SHOX2: variants seen among roughly 807,000 people sequenced by gnomAD.
SHOX2 encodes the protein short stature homeobox protein 2.
Under a neutral mutation model 31.3 loss-of-function variants are expected in SHOX2, and 13 were observed. The observed-to-expected ratio is 0.42, with a 90% CI of 0.27 to 0.66. The LOEUF (loss-of-function observed/expected upper bound fraction) is 0.66. Among genes scored for constraint, SHOX2 ranks in the 30% least tolerant of loss-of-function variants. The probability of loss-of-function intolerance (pLI) is 0.27; values close to 1 mark genes in which losing one functional copy is unlikely to be tolerated. For synonymous variants in SHOX2, 244 were observed against 196.2 expected (o/e 1.24, Z -2.04); for missense variants, 473 against 443.0 (o/e 1.07, Z -0.61).
In SHOX2 at chr3:158,105,970, TCTC is replaced by T. The variant is rs760680633; in HGVS notation, c.52_54del (p.Glu18del). 27 of 1,612,844 alleles carry T rather than the reference TCTC, an allele frequency of 1.7e-5. No individual in the cohort carries two copies. Among genetic ancestry groups the T allele is most frequent in the African/African-American group, 4.0e-5 (3 of 74,836 alleles). ...TCCCGGTACGTGATCGCCTCCTTCT[TCTC>T]CTTCACTTTCTGGTCAAAAGACTTG... On this transcript the variant is annotated inframe_deletion, in exon 1 of 5. Transcript: ENST00000483851.
At chr3:158,102,969 A>G in intron 1 of SHOX2, 83 bp from the exon 2 acceptor site, 1 of 1,236,418 alleles carries the variant, frequency 8.1e-7, no homozygotes. Flanking sequence ...CGAAAACAGC[A>G]CAGCAAATCC....
chr3:158,097,965 G>A lies in SHOX2; in HGVS notation c.*62C>T. The A allele has an allele frequency of 3.3e-6, 5 of 1,533,294 alleles. No homozygotes were observed. Among genetic ancestry groups the A allele is most frequent in the Non-Finnish European group, 4.4e-6 (5 of 1,140,660 alleles). 95.0% of individuals were successfully genotyped at this position (1,533,294 alleles called of 1,614,324 possible). A position where few individuals can be genotyped will look rare whatever the true frequency, so the allele number is the denominator to read the frequency against. ...AAAGGGGTAACGGAGAAGCAGCGGG[G>A]CGCGGAGGGCGTGCAGGCTGAGTGC... On this transcript the variant is annotated 3_prime_UTR_variant, in exon 5 of 5. Coordinates refer to ENST00000483851, the MANE Select transcript of SHOX2 (RefSeq NM_001163678.2).
At position 158,097,041 on chromosome 3, in the gene SHOX2, G is replaced by A. The variant is rs1333974353; in HGVS notation, c.*986C>T. 1.3e-5 allele frequency: 2 copies of A among 150,372 alleles called. No homozygotes were observed. Among genetic ancestry groups the A allele is most frequent in the African/African-American group, 2.5e-5 (1 of 40,636 alleles). 9.3% of individuals were successfully genotyped at this position (150,372 alleles called of 1,614,324 possible). On this transcript the variant is annotated 3_prime_UTR_variant, in exon 5 of 5. Coordinates refer to ENST00000483851, the MANE Select transcript of SHOX2 (RefSeq NM_001163678.2). ...ATGGAGTGAGTGCATGGGAGATAAG[G>A]GGGTGGGAGGAGACACACCATCAAT...
intron 2 of SHOX2, among the ~76,000 whole-genome samples, chr3:158,102,166 C>T (rs1559896647): frequency 6.6e-6 from 1 of 152,190 alleles, no homozygotes. Context: ...TAAATTTCTG[C>T]ACTTAACAGT....
rs1387049217 is a variant in SHOX2, at chr3:158,106,014, A to C, written c.11T>G (p.Leu4Arg). 3 of 1,612,746 alleles carry C rather than the reference A, an allele frequency of 1.9e-6. No homozygotes were observed. The highest frequency in any genetic ancestry group is 1.3e-5 in the African/African-American group (1 of 74,864). ...AAAAGACTTGGAGACGAACGCCGTA[A>C]GTTCTTCCATCGCCGCCGCACGTCA... MEE[L>R]TAFVSKSFDQ... The change falls in exon 1 of 5, where the codon CTT becomes CGT. Residue 4 changes from leucine to arginine, a missense_variant. By Grantham distance (102) the Leu-to-Arg change is moderately radical. Around this residue, in one of 3 missense-constraint regions of SHOX2, gnomAD observed 276 missense variants for 230.0 expected, o/e 1.20. Coordinates refer to ENST00000483851, the MANE Select transcript of SHOX2 (RefSeq NM_001163678.2).
intron 1 of SHOX2, chr3:158,103,469 A>C (rs1578078991): frequency 6.2e-6 from 1 of 160,308 alleles, no homozygotes; most frequent in Non-Finnish European, 1.4e-5. Context: ...AGAGCAACAG[A>C]CCCCGGTGTT....
intron 1 of SHOX2, chr3:158,105,100 G>A: frequency 6.6e-7 from 1 of 1,526,366 alleles, no homozygotes; most frequent in Non-Finnish European, 8.8e-7. Context: ...AGCGTAGCCT[G>A]GACCTCAGCT....
Position 158,098,033 on chromosome 3 carries a change from A to G in SHOX2, c.954T>C (p.Gly318=). The change falls in exon 5 of 5, where the codon GGT becomes GGC. Residue 318 remains glycine, a synonymous_variant. Transcript: ENST00000483851. ...ATTGGTGCTGGCGTTGGCGTCACAGACCCAGGGCTGCGGCGTGCTTTTTGG... is the reference window on the plus strand; with the variant it reads ...ATTGGTGCTGGCGTTGGCGTCACAGGCCCAGGGCTGCGGCGTGCTTTTTGG... The part of the protein sequence containing the change: ...LKAKKHAAAL[G]L The G allele has an allele frequency of 6.3e-7, 1 of 1,598,164 alleles. No homozygotes were observed. Among genetic ancestry groups the G allele is most frequent in the Non-Finnish European group, 8.5e-7 (1 of 1,170,902 alleles).
chr3:158,106,350 C>G lies in SHOX2; in HGVS notation c.-326G>C. The G allele has an allele frequency of 5.2e-6, 2 of 384,740 alleles. No individual in the cohort carries two copies. Among genetic ancestry groups the G allele is most frequent in the Non-Finnish European group, 9.4e-6 (2 of 212,206 alleles). 23.8% of individuals were successfully genotyped at this position (384,740 alleles called of 1,614,324 possible). A position where few individuals can be genotyped will look rare whatever the true frequency, so the allele number is the denominator to read the frequency against. Reference sequence around the variant, plus strand: ...GAGGGAAATGGGAACTGATGCTTCCCTGCCGGAGCGCGCTTGTTCAATGTT... The same window carrying G: ...GAGGGAAATGGGAACTGATGCTTCCGTGCCGGAGCGCGCTTGTTCAATGTT... On this transcript the variant is annotated 5_prime_UTR_variant, in exon 1 of 5. Coordinates refer to ENST00000483851, the MANE Select transcript of SHOX2 (RefSeq NM_001163678.2).
intron 2 of SHOX2, among the ~76,000 whole-genome samples, chr3:158,101,030 G>A (rs1247162900): frequency 6.6e-6 from 1 of 152,202 alleles, no homozygotes; most frequent in Non-Finnish European, 1.5e-5. Flanking sequence ...AAAGGAGAAT[G>A]AAGTATATAT....
At position 158,097,762 on chromosome 3, in the gene SHOX2, C is replaced by G; in HGVS notation, c.*265G>C. The stretch of plus-strand genomic sequence containing the variant: ...CAGTCTCTCTCCAGACTCCCCCAAA[C>G]CCGCTCCTACAAAACCCAATTCTAG... On this transcript the variant is annotated 3_prime_UTR_variant, in exon 5 of 5. Coordinates refer to ENST00000483851, the MANE Select transcript of SHOX2 (RefSeq NM_001163678.2). 1 of 521,016 alleles carries G rather than the reference C, an allele frequency of 1.9e-6. No individual in the cohort carries two copies. Among genetic ancestry groups the G allele is most frequent in the Non-Finnish European group, 3.4e-6 (1 of 293,028 alleles). The allele number at this position is 521,016 out of a possible 1,614,324, so 32.3% of individuals were successfully genotyped here.
rs556399490 is a variant in SHOX2, at chr3:158,102,325, C to T, written c.555+353G>A. Among the ~76,000 whole-genome samples, 115 of 152,066 alleles carry T rather than the reference C, an allele frequency of 7.6e-4. 1 individual carries two copies. Among genetic ancestry groups the T allele is most frequent in the Admixed American group, 5.2e-4 (8 of 15,278 alleles). On this transcript the variant is annotated intron_variant, in intron 2 of 4. Coordinates refer to ENST00000483851, the MANE Select transcript of SHOX2 (RefSeq NM_001163678.2). ...ACTTTTAAGGCATCCAGAGATAAAACGTTTTCTGTGGGATTTTTTTTTAAG... is the reference window on the plus strand; with the variant it reads ...ACTTTTAAGGCATCCAGAGATAAAATGTTTTCTGTGGGATTTTTTTTTAAG...
intron 1 of SHOX2, chr3:158,105,207 G>A: frequency 2.3e-6 from 2 of 865,512 alleles, no homozygotes; most frequent in South Asian, 2.9e-5. Flanking sequence ...GGTCTTGGCG[G>A]CCCCAAACAC....
Position 158,097,882 on chromosome 3 carries a change from G to A in SHOX2, c.*145C>T. 9.4e-7 allele frequency: 1 copy of A among 1,068,286 alleles called. No individual in the cohort carries two copies. Among genetic ancestry groups the A allele is most frequent in the Non-Finnish European group, 1.4e-6 (1 of 740,384 alleles). 66.2% of individuals were successfully genotyped at this position (1,068,286 alleles called of 1,614,324 possible). On this transcript the variant is annotated 3_prime_UTR_variant, in exon 5 of 5. Coordinates refer to ENST00000483851, the MANE Select transcript of SHOX2 (RefSeq NM_001163678.2). ...GAGTCTGGCTTTCCGAGTCCAAGAT[G>A]CGATAGGGGACGAGGGATGGTCAGT...
At chr3:158,101,732 G>A (rs1311427769) in intron 2 of SHOX2, among the ~76,000 whole-genome samples, 1 of 152,086 alleles carries the variant, frequency 6.6e-6, no homozygotes, top group Non-Finnish European at 1.5e-5. Flanking sequence ...GCAGATGTGC[G>A]GGCCTAAAAC....
At chr3:158,103,823 T>G (rs950289167) in intron 1 of SHOX2, 1 of 152,286 alleles carries the variant, frequency 6.6e-6, no homozygotes, top group Non-Finnish European at 1.5e-5. Context: ...TCGGTTTCTA[T>G]TGGTTGCTCA....
In SHOX2 at chr3:158,097,723, A is replaced by G; in HGVS notation, c.*304T>C. ...GCGGTGAGCCAAACTCCGCGGTTCCAGCACTCCCCTGTCCAGTCTCTCTCC... is the reference window on the plus strand; with the variant it reads ...GCGGTGAGCCAAACTCCGCGGTTCCGGCACTCCCCTGTCCAGTCTCTCTCC... On this transcript the variant is annotated 3_prime_UTR_variant, in exon 5 of 5. Transcript: ENST00000483851. 8.6e-6 allele frequency: 3 copies of G among 350,180 alleles called. No homozygotes were observed. The highest frequency in any genetic ancestry group is 1.5e-5 in the Non-Finnish European group (3 of 193,630). The allele number at this position is 350,180 out of a possible 1,614,324, so 21.7% of individuals were successfully genotyped here. A position where few individuals can be genotyped will look rare whatever the true frequency, so the allele number is the denominator to read the frequency against.
intron 1 of SHOX2, 33 bp from the exon 2 acceptor site, chr3:158,102,919 C>T (rs1198310176): frequency 1.3e-6 from 2 of 1,575,102 alleles, no homozygotes; most frequent in South Asian, 1.1e-5. Context: ...GCCACACGTG[C>T]ATCCACACGA....
chr3:158,099,728 A>G (rs9833383), intron 4 of SHOX2, 132 bp downstream of exon 4: 624,648 of 710,174 alleles, frequency 0.88, 275,290 homozygotes, highest in East Asian at 0.99. Flanking sequence ...GGTCCACTAT[A>G]TCATCTCAAA....
Sources: gnomAD v4.1 joint callset for allele counts (sites outside exome capture counted in the v4.1 genomes callset) on GRCh38, gnomAD v4.1.1 for gene constraint, gnomAD v4.1.1 regional missense constraint, MANE v1.5 for transcripts, NCBI Gene and HGNC (gene_info 2026-07-23, HGNC 2026-07-21) for gene names.